The following DLG2 variants were observed in gnomAD, a reference collection of about 807,000 sequenced individuals.
DLG2 encodes disks large homolog 2.
DLG2 carries 45 observed loss-of-function variants against 132.5 expected under a neutral mutation model. That is an observed-to-expected ratio of 0.34 (90% confidence interval 0.27 to 0.44). The LOEUF (loss-of-function observed/expected upper bound fraction) is 0.44. DLG2 is among the 20% of genes least tolerant of loss of function. The probability of loss-of-function intolerance (pLI) is 1.00; values close to 1 mark genes in which losing one functional copy is unlikely to be tolerated. For missense variants in DLG2, 1,045 were observed against 1,196.9 expected (o/e 0.87, Z 1.87); for synonymous variants, 424 against 419.6 (o/e 1.01, Z -0.13).
chr11:83,931,922 G>A (rs1165329618), intron 14 of DLG2, among the ~76,000 whole-genome samples: 1 of 152,180 alleles, frequency 6.6e-6, no homozygotes, highest in Admixed American at 6.5e-5. Flanking sequence ...CAGAGAAACA[G>A]TTACTGATAT....
chr11:85,208,252 C>A lies in DLG2; in HGVS notation c.187-53601G>T, dbSNP rs116277700. Reference sequence around the variant, plus strand: ...CTGACTCCAAAGCCCAGAATATTTTCCATGTATCATACAGTTTCAAAATTA... The same window carrying A: ...CTGACTCCAAAGCCCAGAATATTTTACATGTATCATACAGTTTCAAAATTA... On this transcript the variant is annotated intron_variant, in intron 4 of 27. Transcript: ENST00000376104. Among the ~76,000 whole-genome samples the A allele has an allele frequency of 1.9e-3, 282 of 152,194 alleles. 1 individual carries two copies. The highest frequency in any genetic ancestry group is 6.5e-3 in the African/African-American group (272 of 41,540).
intron 6 of DLG2, among the ~76,000 whole-genome samples, chr11:84,738,762 C>T (rs1202968271): frequency 6.6e-6 from 1 of 152,106 alleles, no homozygotes; most frequent in Non-Finnish European, 1.5e-5. Flanking sequence ...TACAACACAG[C>T]CATTGCATTT....
chr11:85,502,606 C>T (rs1192308334), intron 3 of DLG2, among the ~76,000 whole-genome samples: 2 of 151,976 alleles, frequency 1.3e-5, no homozygotes, highest in African/African-American at 4.8e-5. Context: ...ACAATGGGAA[C>T]ACATGGACAC....
intron 19 of DLG2, among the ~76,000 whole-genome samples, chr11:83,569,390 A>C (rs536751904): frequency 1.3e-5 from 2 of 152,326 alleles, no homozygotes; most frequent in Non-Finnish European, 2.9e-5. Flanking sequence ...CAAGTATCAG[A>C]ATAAAAATCT....
chr11:84,067,823 A>G (rs1047652403), intron 10 of DLG2, among the ~76,000 whole-genome samples: 1 of 152,252 alleles, frequency 6.6e-6, no homozygotes, highest in African/African-American at 2.4e-5. Context: ...AAAATAAAAG[A>G]ATAAAAATCA....
intron 6 of DLG2, among the ~76,000 whole-genome samples, chr11:84,593,761 GGTTCTGCACAT>G (rs1225973601): frequency 6.6e-6 from 1 of 152,026 alleles, no homozygotes; most frequent in African/African-American, 2.4e-5. Flanking sequence ...TAAACGTGCA[GGTTCTGCACAT>G]GTATCCCAGA....
At chr11:84,077,763 T>A (rs181762658) in intron 10 of DLG2, among the ~76,000 whole-genome samples, 1 of 152,178 alleles carries the variant, frequency 6.6e-6, no homozygotes, top group Non-Finnish European at 1.5e-5. Flanking sequence ...ATAAACAATA[T>A]CTTCTTGAGC....
intron 6 of DLG2, among the ~76,000 whole-genome samples, chr11:84,749,835 A>G (rs969080949): frequency 6.6e-6 from 1 of 152,144 alleles, no homozygotes; most frequent in Non-Finnish European, 1.5e-5. Context: ...CTACGTGTTT[A>G]GCACTATAGT....
intron 2 of DLG2, among the ~76,000 whole-genome samples, chr11:85,622,735 G>A (rs926906709): frequency 1.3e-5 from 2 of 152,066 alleles, no homozygotes; most frequent in African/African-American, 2.4e-5. Flanking sequence ...AGTTTCAAGG[G>A]TGCCTATGAG....
At chr11:83,890,557 A>C (rs1444645269) in intron 15 of DLG2, among the ~76,000 whole-genome samples, 1 of 152,188 alleles carries the variant, frequency 6.6e-6, no homozygotes, top group African/African-American at 2.4e-5. Context: ...GACTTGGGTT[A>C]AGAATTTCTC....
chr11:84,851,661 T>C lies in DLG2; in HGVS notation c.357+260000A>G, dbSNP rs146522430. The stretch of plus-strand genomic sequence containing the variant: ...TGGGGAGTTGATGGAGGGTGTAGTC[T>C]TTCTGATTTTATCATAAAGAAAGTC... On this transcript the variant is annotated intron_variant, in intron 6 of 27. Coordinates refer to ENST00000376104, the MANE Select transcript of DLG2 (RefSeq NM_001142699.3). Among the ~76,000 whole-genome samples the C allele has an allele frequency of 8.4e-3, 1,280 of 152,122 alleles. 31 individuals are homozygous for C. The highest frequency in any genetic ancestry group is 0.029 in the African/African-American group (1,197 of 41,530).
intron 7 of DLG2, among the ~76,000 whole-genome samples, chr11:84,276,925 CAT>C (rs1363818206): frequency 2.0e-5 from 3 of 152,146 alleles, no homozygotes; most frequent in African/African-American, 7.2e-5. Flanking sequence ...CAAGAATGCA[CAT>C]GAGACAAAAA....
At chr11:83,544,902 C>T (rs1592864627) in intron 19 of DLG2, among the ~76,000 whole-genome samples, 2 of 152,272 alleles carry the variant, frequency 1.3e-5, no homozygotes, top group Admixed American at 1.3e-4. Flanking sequence ...TTGTTGCCCT[C>T]TGGCCATGCT....
At chr11:84,416,094 A>C (rs1281786071) in intron 7 of DLG2, among the ~76,000 whole-genome samples, 1 of 152,184 alleles carries the variant, frequency 6.6e-6, no homozygotes, top group Non-Finnish European at 1.5e-5. Flanking sequence ...CAAAAGATTA[A>C]TAAAACTCCC....
intron 6 of DLG2, among the ~76,000 whole-genome samples, chr11:84,764,046 G>A (rs2068039377): frequency 6.6e-6 from 1 of 152,070 alleles, no homozygotes; most frequent in Non-Finnish European, 1.5e-5. Flanking sequence ...AGAGCTTGCA[G>A]TTTATGCCCC....
intron 3 of DLG2, among the ~76,000 whole-genome samples, chr11:85,414,460 T>C (rs1163634625): frequency 6.6e-6 from 1 of 151,630 alleles, no homozygotes; most frequent in Admixed American, 6.6e-5. Context: ...TCTGAAAGAG[T>C]GCTTGATATA....
intron 3 of DLG2, among the ~76,000 whole-genome samples, chr11:85,523,956 T>C (rs957656622): frequency 3.3e-5 from 5 of 152,180 alleles, no homozygotes; most frequent in African/African-American, 4.8e-5. Flanking sequence ...CTGGAGGTCA[T>C]TACGTAAAGT....
chr11:84,942,729 A>G lies in DLG2; in HGVS notation c.357+168932T>C, dbSNP rs577406127. On this transcript the variant is annotated intron_variant, in intron 6 of 27. Coordinates refer to ENST00000376104, the MANE Select transcript of DLG2 (RefSeq NM_001142699.3). The stretch of plus-strand genomic sequence containing the variant: ...TGGGGGAACTGTTCTGTAAACGTGT[A>G]TTAGGTCCATTTGGTCTATGGTGCA... Among the ~76,000 whole-genome samples, 5 of 152,282 alleles carry G rather than the reference A, an allele frequency of 3.3e-5. 1 individual carries two copies. The highest frequency in any genetic ancestry group is 9.6e-5 in the African/African-American group (4 of 41,562).
chr11:83,618,895 A>C (rs532388824), intron 19 of DLG2, among the ~76,000 whole-genome samples: 8 of 152,178 alleles, frequency 5.3e-5, no homozygotes, highest in Non-Finnish European at 1.2e-4. Flanking sequence ...CAGATCCTGG[A>C]GCAGAATTTG....
Sources: gnomAD v4.1 joint callset for allele counts (sites outside exome capture counted in the v4.1 genomes callset) on GRCh38, gnomAD v4.1.1 for gene constraint, MANE v1.5 for transcripts, NCBI Gene and HGNC (gene_info 2026-07-23, HGNC 2026-07-21) for gene names.